The following C1QTNF1 variants were observed in gnomAD, a reference collection of about 807,000 sequenced individuals.
The protein encoded by C1QTNF1 is C1q and TNF related 1.
Under a neutral mutation model 27.8 loss-of-function variants are expected in C1QTNF1, and 22 were observed. That is an observed-to-expected ratio of 0.79 (90% CI 0.56 to 1.13). C1QTNF1 has a LOEUF of 1.13. Ranked by LOEUF, C1QTNF1 falls within the 50% of genes most tolerant of loss-of-function variation. C1QTNF1 has a pLI of 0.00. For synonymous variants in C1QTNF1, 166 were observed against 154.3 expected (o/e 1.08, Z -0.56); for missense variants, 373 against 380.2 (o/e 0.98, Z 0.16).
intron 1 of C1QTNF1, among the ~76,000 whole-genome samples, chr17:79,029,497 G>T (rs758181038): frequency 3.3e-5 from 5 of 151,784 alleles, no homozygotes; most frequent in Admixed American, 2.0e-4. Flanking sequence ...GTGTAGGGAA[G>T]GCACCATGGC....
rs771094374 is a variant in C1QTNF1 at position 79,044,008 on chromosome 17, C to T, written c.40C>T (p.Leu14=). 1.2e-6 allele frequency: 2 copies of T among 1,614,108 alleles called. No individual in the cohort carries two copies. The highest frequency in any genetic ancestry group is 2.7e-5 in the African/African-American group (2 of 74,936). ...RGQGLLLAYC[L]LLAFASGLVL... The stretch of plus-strand genomic sequence containing the variant: ...ACAGGGACTCTTGCTGGCGTACTGC[C>T]TGCTCCTTGCCTTTGCCTCTGGCCT... Residue 14 remains leucine (L), a synonymous_variant, in exon 2 of 4, where the codon CTG becomes TTG. Transcript: ENST00000579760.
At chr17:79,038,309 A>G (rs189028391) in intron 1 of C1QTNF1, among the ~76,000 whole-genome samples, 2 of 152,216 alleles carry the variant, frequency 1.3e-5, no homozygotes, top group African/African-American at 4.8e-5. Flanking sequence ...ATTATTCACA[A>G]GGATGTGTCC....
chr17:79,043,635 C>CATGTGAGTGT, intron 1 of C1QTNF1: 1 of 486,368 alleles, frequency 2.1e-6, no homozygotes, highest in Non-Finnish European at 4.0e-6. Flanking sequence ...GTGTGGGTTG[C>CATGTGAGTGT]ATGTGAGTGT....
At chr17:79,035,696 G>A (rs551710936) in intron 1 of C1QTNF1, among the ~76,000 whole-genome samples, 13 of 152,322 alleles carry the variant, frequency 8.5e-5, no homozygotes, top group South Asian at 2.1e-4. Context: ...CTCCCAAAGT[G>A]CTGGGATTAT....
chr17:79,048,143 C>CCCAGGGCTCAGCACCAGGCTGACA lies in C1QTNF1; in HGVS notation c.*58_*59insGGGCTCAGCACCAGGCTGACACCA. On this transcript the variant is annotated 3_prime_UTR_variant, in exon 4 of 4. Transcript: ENST00000579760. ...CCTTCCACCCCTGCGCTGTGCTGACCCCACCGCCTCTTCCCCGATCCCTGG... is the reference window on the plus strand; with the variant it reads ...CCTTCCACCCCTGCGCTGTGCTGACCCCAGGGCTCAGCACCAGGCTGACACCACCGCCTCTTCCCCGATCCCTGG... 1 of 1,424,816 alleles carries CCCAGGGCTCAGCACCAGGCTGACA rather than the reference C, an allele frequency of 7.0e-7. No individual in the cohort carries two copies. Among genetic ancestry groups the CCCAGGGCTCAGCACCAGGCTGACA allele is most frequent in the Non-Finnish European group, 9.2e-7 (1 of 1,083,678 alleles). 88.3% of individuals were successfully genotyped at this position (1,424,816 alleles called of 1,614,324 possible). A position where few individuals can be genotyped will look rare whatever the true frequency, so the allele number is the denominator to read the frequency against.
upstream of C1QTNF1, among the ~76,000 whole-genome samples, chr17:79,023,430 G>A (rs952033082): frequency 6.6e-6 from 1 of 152,190 alleles, no homozygotes; most frequent in Non-Finnish European, 1.5e-5. Flanking sequence ...CCTGGATCAG[G>A]GATCAGGATG....
At chr17:79,044,547 G>C (rs1230738791) in intron 2 of C1QTNF1, among the ~76,000 whole-genome samples, 1 of 152,200 alleles carries the variant, frequency 6.6e-6, no homozygotes, top group East Asian at 1.9e-4. Flanking sequence ...CCAAGAGCTG[G>C]TGTCCATGGC....
At chr17:79,044,257 C>G (rs2072507828) in intron 2 of C1QTNF1, 134 bp downstream of exon 2, 2 of 1,042,406 alleles carry the variant, frequency 1.9e-6, no homozygotes, top group East Asian at 5.2e-5. Context: ...CGTGGCCCTG[C>G]TGGAGGCTGG....
chr17:79,037,449 A>G (rs1302188001), intron 1 of C1QTNF1, among the ~76,000 whole-genome samples: 1 of 151,514 alleles, frequency 6.6e-6, no homozygotes, highest in African/African-American at 2.4e-5. Context: ...TTTTTACTAG[A>G]GACAGGGATT....
At chr17:79,031,428 T>C (rs1043591179) in intron 1 of C1QTNF1, among the ~76,000 whole-genome samples, 1 of 152,116 alleles carries the variant, frequency 6.6e-6, no homozygotes, top group African/African-American at 2.4e-5. Context: ...TTCCATCATA[T>C]GGATGGATGC....
rs201470722 is a variant in C1QTNF1, at chr17:79,043,741, G to GTA, written c.-14-214_-14-213insTA. On this transcript the variant is annotated intron_variant, in intron 1 of 3. Transcript: ENST00000579760. The stretch of plus-strand genomic sequence containing the variant: ...TGAATGTGTGTGCATGTGCGTGTGT[G>GTA]CACGTGAGTGCGTCGTGAGTGCGTG... 9.9e-4 allele frequency: 658 copies of GTA among 665,006 alleles called. 1 individual carries two copies. The African/African-American group carries it at 0.01, about 10-fold the overall frequency. The allele number at this position is 665,006 out of a possible 1,614,324, so 41.2% of individuals were successfully genotyped here.
chr17:79,025,347 C>T (rs1379248477), intron 1 of C1QTNF1, among the ~76,000 whole-genome samples: 1 of 152,150 alleles, frequency 6.6e-6, no homozygotes, highest in Non-Finnish European at 1.5e-5. Flanking sequence ...CCTCCGCGTG[C>T]TTCAGGCACC....
intron 1 of C1QTNF1, among the ~76,000 whole-genome samples, chr17:79,035,723 A>G (rs1489861262): frequency 1.3e-5 from 2 of 152,096 alleles, no homozygotes; most frequent in Non-Finnish European, 2.9e-5. Context: ...GAGCCACCAT[A>G]CCTGGCCTGA....
At chr17:79,039,983 CAG>C (rs1170983833) in intron 1 of C1QTNF1, among the ~76,000 whole-genome samples, 5 of 151,936 alleles carry the variant, frequency 3.3e-5, no homozygotes, top group Non-Finnish European at 7.4e-5. Flanking sequence ...CAAGGAGAAA[CAG>C]AGGAAATACA....
At position 79,044,067 on chromosome 17, in the gene C1QTNF1, A is replaced by T. The variant is rs569395527; in HGVS notation, c.99A>T (p.Glu33Asp). 14 of 1,613,858 alleles carry T rather than the reference A, an allele frequency of 8.7e-6. No individual in the cohort carries two copies. The African/African-American group carries it at 1.5e-4, about 17-fold the overall frequency. ...VLSRVPHVQG[E>D]QQEWEGTEEL... Reference sequence around the variant, plus strand: ...GTCGTGTGCCCCATGTCCAGGGGGAACAGCAGGAGTGGGAGGGGACTGAGG... The same window carrying T: ...GTCGTGTGCCCCATGTCCAGGGGGATCAGCAGGAGTGGGAGGGGACTGAGG... The change falls in exon 2 of 4, where the codon GAA (glutamate) becomes GAT (aspartate). Residue 33 changes from glutamate to aspartate, a missense_variant. By Grantham distance (45) the Glu-to-Asp change is conservative. Coordinates refer to ENST00000579760, the MANE Select transcript of C1QTNF1 (RefSeq NM_030968.5).
intron 1 of C1QTNF1, among the ~76,000 whole-genome samples, chr17:79,033,787 G>T (rs956126302): frequency 1.3e-5 from 2 of 152,156 alleles, no homozygotes; most frequent in African/African-American, 4.8e-5. Flanking sequence ...CCTGTCTTTG[G>T]GGGTTGATCA....
intron 1 of C1QTNF1, chr17:79,043,366 ATG>A (rs1264302062): frequency 2.0e-5 from 9 of 451,494 alleles, no homozygotes; most frequent in Admixed American, 9.5e-5. Context: ...GTGTGAGTGC[ATG>A]TGTGTGGACT....
At position 79,046,526 on chromosome 17, in the gene C1QTNF1, A is replaced by T; in HGVS notation, c.156-29A>T. 1 of 1,613,490 alleles carries T rather than the reference A, an allele frequency of 6.2e-7. No individual in the cohort carries two copies. Among genetic ancestry groups the T allele is most frequent in the Non-Finnish European group, 8.5e-7 (1 of 1,179,548 alleles). ...GCGTTTCCAGGCCTGAGAGTGGCTG[A>T]CTTTCACTGTGATTCTTTATTCCCT... On this transcript the variant is annotated intron_variant, in intron 2 of 3. Transcript: ENST00000579760. The surrounding 1 kb of genome is among the most constrained non-coding windows in gnomAD (Gnocchi z 4.8).
intron 1 of C1QTNF1, among the ~76,000 whole-genome samples, chr17:79,036,241 C>T (rs866186048): frequency 3.3e-5 from 5 of 152,208 alleles, no homozygotes; most frequent in Non-Finnish European, 5.9e-5. Context: ...GTGGTGCAGT[C>T]GTGGCTCACT....
Sources: allele counts gnomAD v4.1 joint callset (sites outside exome capture counted in the v4.1 genomes callset), GRCh38; gene constraint gnomAD v4.1.1; non-coding constraint Gnocchi (gnomAD v3.1); transcripts MANE v1.5; gene names NCBI Gene and HGNC (gene_info 2026-07-23, HGNC 2026-07-21).